The following RIMS2 variants were observed in gnomAD, a reference collection of about 807,000 sequenced individuals.
RIMS2 encodes regulating synaptic membrane exocytosis protein 2.
Under a neutral mutation model 174.4 loss-of-function variants are expected in RIMS2, and 59 were observed. The observed-to-expected ratio is 0.34, with a 90% CI of 0.27 to 0.42. The LOEUF is 0.42. Ranked by LOEUF, RIMS2 falls within the 10% of genes least tolerant of loss-of-function variation. The pLI, the probability that RIMS2 is intolerant of heterozygous loss-of-function variation, is 1.00. For missense variants in RIMS2, 1,620 were observed against 1,666.3 expected (o/e 0.97, Z 0.48); for synonymous variants, 606 against 572.5 (o/e 1.06, Z -0.84).
intron 4 of RIMS2, among the ~76,000 whole-genome samples, chr8:103,901,551 T>C (rs568301703): frequency 6.6e-6 from 1 of 152,256 alleles, no homozygotes; most frequent in African/African-American, 2.4e-5. Flanking sequence ...ATTTAAATTA[T>C]ATATTTTACT....
At chr8:103,998,780 G>A (rs1565763686) in intron 17 of RIMS2, among the ~76,000 whole-genome samples, 1 of 151,700 alleles carries the variant, frequency 6.6e-6, no homozygotes, top group African/African-American at 2.4e-5. Context: ...TACTGAGTCT[G>A]TGAGAAAACA....
intron 3 of RIMS2, among the ~76,000 whole-genome samples, chr8:103,772,769 CAG>C (rs1303486081): frequency 6.6e-6 from 1 of 151,954 alleles, no homozygotes; most frequent in Non-Finnish European, 1.5e-5. Flanking sequence ...ATCAGTGAAA[CAG>C]AATGGAGAGT....
At chr8:103,677,626 T>C (rs567928822) in intron 1 of RIMS2, among the ~76,000 whole-genome samples, 1 of 152,288 alleles carries the variant, frequency 6.6e-6, no homozygotes, top group Admixed American at 6.5e-5. Flanking sequence ...CCAATGCTCC[T>C]GGGGCTCACT....
chr8:104,222,993 T>G (rs2099162470), intron 19 of RIMS2, among the ~76,000 whole-genome samples: 1 of 152,170 alleles, frequency 6.6e-6, no homozygotes. Flanking sequence ...CTTTGTGTCA[T>G]GACTTGAAGA....
intron 19 of RIMS2, among the ~76,000 whole-genome samples, chr8:104,025,653 A>C (rs1293872298): frequency 1.3e-5 from 2 of 152,058 alleles, no homozygotes; most frequent in African/African-American, 2.4e-5. Flanking sequence ...TTTGTTTTAT[A>C]TTTGAAGTCA....
intron 4 of RIMS2, among the ~76,000 whole-genome samples, chr8:103,894,715 A>T (rs1308678878): frequency 2.0e-5 from 3 of 151,608 alleles, no homozygotes; most frequent in Non-Finnish European, 4.4e-5. Flanking sequence ...TATTTCAAAA[A>T]TTATAGTCAA....
chr8:104,072,820 C>T (rs2097217544), intron 19 of RIMS2, among the ~76,000 whole-genome samples: 1 of 152,092 alleles, frequency 6.6e-6, no homozygotes, highest in African/African-American at 2.4e-5. Context: ...AAGCTACTGT[C>T]TTTCTAAGAA....
At chr8:103,852,913 A>G (rs1426973503) in intron 3 of RIMS2, among the ~76,000 whole-genome samples, 3 of 152,056 alleles carry the variant, frequency 2.0e-5, no homozygotes, top group Non-Finnish European at 2.9e-5. Context: ...TCCTTTGGTT[A>G]TATACCCAGT....
At chr8:103,900,380 C>T (rs1046268175) in intron 4 of RIMS2, among the ~76,000 whole-genome samples, 2 of 151,698 alleles carry the variant, frequency 1.3e-5, no homozygotes, top group Non-Finnish European at 2.9e-5. Context: ...CCCACCACCA[C>T]GCCCAGCTAA....
intron 1 of RIMS2, among the ~76,000 whole-genome samples, chr8:103,539,742 A>G (rs528117892): frequency 6.6e-6 from 1 of 151,896 alleles, no homozygotes; most frequent in South Asian, 2.1e-4. Flanking sequence ...GCTTCAGAAA[A>G]GGAAATGTCC....
chr8:104,148,094 T>G (rs1293321928), intron 19 of RIMS2, among the ~76,000 whole-genome samples: 1 of 152,028 alleles, frequency 6.6e-6, no homozygotes, highest in African/African-American at 2.4e-5. Flanking sequence ...TTTAGAAAAT[T>G]TAACCATTAT....
intron 3 of RIMS2, among the ~76,000 whole-genome samples, chr8:103,873,371 G>A (rs924163): frequency 0.19 from 28,132 of 152,008 alleles, 3,064 homozygotes; most frequent in South Asian, 0.32. Context: ...CTGGATGGGT[G>A]TGTCTGTATG....
intron 19 of RIMS2, among the ~76,000 whole-genome samples, chr8:104,105,044 T>C (rs545436026): frequency 9.2e-5 from 14 of 152,142 alleles, no homozygotes; most frequent in Non-Finnish European, 1.6e-4. Context: ...TTTGGGATAA[T>C]TGGGCGGTTG....
intron 19 of RIMS2, among the ~76,000 whole-genome samples, chr8:104,215,895 A>G (rs1406615464): frequency 6.6e-6 from 1 of 152,222 alleles, no homozygotes; most frequent in East Asian, 1.9e-4. Context: ...AAAAATAGGC[A>G]TATATAGTAG....
rs938255273 is a variant in RIMS2 at position 103,589,987 on chromosome 8, A to T, written c.176+88925A>T. Among the ~76,000 whole-genome samples the T allele has an allele frequency of 2.0e-5, 3 of 151,356 alleles. No individual in the cohort carries two copies. In the South Asian group the frequency reaches 6.2e-4, roughly 31 times the overall value. ...TGGGAATGGTTAATGGGTCCAAAAA[A>T]TAGAAATAATGAATAAGATCTACTA... On this transcript the variant is annotated intron_variant, in intron 1 of 23. Coordinates refer to ENST00000504942, the Ensembl canonical transcript of RIMS2.
intron 3 of RIMS2, among the ~76,000 whole-genome samples, chr8:103,790,389 G>C (rs530351215): frequency 1.3e-5 from 2 of 152,064 alleles, no homozygotes; most frequent in Admixed American, 6.5e-5. Flanking sequence ...CTTTCAGTTA[G>C]CATAATGTTT....
At chr8:103,633,462 A>G (rs1020192651) in intron 1 of RIMS2, among the ~76,000 whole-genome samples, 1 of 151,974 alleles carries the variant, frequency 6.6e-6, no homozygotes, top group African/African-American at 2.4e-5. Flanking sequence ...GCTGATTTTT[A>G]TATCATGTTC....
At chr8:103,560,111 A>T (rs545564423) in intron 1 of RIMS2, among the ~76,000 whole-genome samples, 2 of 152,244 alleles carry the variant, frequency 1.3e-5, no homozygotes, top group Non-Finnish European at 2.9e-5. Flanking sequence ...TACGGTGTAA[A>T]CAAAATAGTT....
intron 19 of RIMS2, among the ~76,000 whole-genome samples, chr8:104,071,716 A>G (rs141140947): frequency 0.016 from 2,426 of 152,240 alleles, 63 homozygotes; most frequent in African/African-American, 0.048. Context: ...GATTACAGGC[A>G]TGAGCCACCA....
Sources: allele counts gnomAD v4.1 joint callset (sites outside exome capture counted in the v4.1 genomes callset), GRCh38; gene constraint gnomAD v4.1.1; transcripts MANE v1.5; gene names NCBI Gene and HGNC (gene_info 2026-07-23, HGNC 2026-07-21).